NRXN1: variants seen among roughly 807,000 people sequenced by gnomAD.
The protein encoded by NRXN1 is neurexin 1.
In NRXN1, 39 loss-of-function variants were observed where a neutral mutation model predicts 150.9. The observed-to-expected ratio is 0.26, with a 90% confidence interval of 0.20 to 0.34. The LOEUF (loss-of-function observed/expected upper bound fraction) is 0.34. NRXN1 is among the 10% of genes least tolerant of loss of function. The probability of loss-of-function intolerance (pLI) is 1.00; values close to 1 mark genes in which losing one functional copy is unlikely to be tolerated. For missense variants in NRXN1, 1,815 were observed against 1,949.9 expected, an observed-to-expected ratio of 0.93 and a Z score of 1.30; for synonymous variants, 924 against 757.0, an observed-to-expected ratio of 1.22 and a Z score of -3.62.
At chr2:50,828,393 G>A (rs946376250) in intron 5 of NRXN1, among the ~76,000 whole-genome samples, 8 of 151,656 alleles carry the variant, frequency 5.3e-5, no homozygotes, top group South Asian at 2.1e-4. Context: ...CCTCCCAGAC[G>A]GGGTGGCTGC....
intron 5 of NRXN1, among the ~76,000 whole-genome samples, chr2:50,696,541 G>C (rs1294973814): frequency 2.0e-5 from 3 of 152,188 alleles, no homozygotes; most frequent in Admixed American, 1.3e-4. Flanking sequence ...GGGTGAAGCA[G>C]GCGGAGAAAA....
At chr2:50,024,688 C>T (rs754232992) in intron 21 of NRXN1, among the ~76,000 whole-genome samples, 7 of 151,884 alleles carry the variant, frequency 4.6e-5, no homozygotes, top group Non-Finnish European at 8.8e-5. Flanking sequence ...GATCTCGGCT[C>T]GCTGCAACCT....
chr2:50,557,984 G>T (rs1205910147), intron 8 of NRXN1, among the ~76,000 whole-genome samples: 1 of 152,108 alleles, frequency 6.6e-6, no homozygotes, highest in Non-Finnish European at 1.5e-5. Flanking sequence ...ATACACAGCA[G>T]GCTAGCTAAC....
At chr2:50,555,203 C>T (rs931647934) in intron 8 of NRXN1, among the ~76,000 whole-genome samples, 1 of 151,982 alleles carries the variant, frequency 6.6e-6, no homozygotes, top group East Asian at 1.9e-4. Context: ...ATTTTCAGAC[C>T]CAAATGATGC....
chr2:50,257,893 AT>A (rs5831105), intron 17 of NRXN1, among the ~76,000 whole-genome samples: 62,142 of 150,748 alleles, frequency 0.41, 12,933 homozygotes, highest in Middle Eastern at 0.46. Context: ...TATCTGCACA[AT>A]TTTTTTTTTG....
intron 18 of NRXN1, among the ~76,000 whole-genome samples, chr2:50,134,529 A>C (rs187709432): frequency 1.3e-5 from 2 of 152,282 alleles, no homozygotes; most frequent in East Asian, 3.9e-4. Flanking sequence ...TGTTTGATAC[A>C]ATTCAGGTTA....
chr2:50,871,877 AT>A (rs1677831674), intron 5 of NRXN1, among the ~76,000 whole-genome samples: 1 of 151,854 alleles, frequency 6.6e-6, no homozygotes, highest in East Asian at 1.9e-4. Flanking sequence ...AATTTAGAGT[AT>A]TTTAAAGCCC....
At chr2:50,249,247 T>C (rs1170641449) in intron 17 of NRXN1, among the ~76,000 whole-genome samples, 2 of 151,770 alleles carry the variant, frequency 1.3e-5, no homozygotes, top group African/African-American at 4.8e-5. Flanking sequence ...GAAGGACTCA[T>C]ATCTCTTCTA....
Position 50,472,341 on chromosome 2 carries a change from G to A in NRXN1, c.3201C>T (p.Ser1067=), listed in dbSNP as rs75275592. The part of the protein sequence containing the change: ...DLNGRLPDLI[S]DALFCNGQIE... Reference sequence around the variant, plus strand: ...TCTGTCCGTTGCAGAAAAGAGCATCGGAGATGAGGTCCGGAAGCCGTCCAT... The same window carrying A: ...TCTGTCCGTTGCAGAAAAGAGCATCAGAGATGAGGTCCGGAAGCCGTCCAT... The change falls in exon 16 of 23, where the codon TCC becomes TCT. Residue 1067 remains serine (S), a synonymous_variant. Coordinates refer to ENST00000401669, the MANE Select transcript of NRXN1 (RefSeq NM_001330078.2). 1,356 of 1,611,072 alleles carry A rather than the reference G, an allele frequency of 8.4e-4. 1 individual carries two copies. The highest frequency in any genetic ancestry group is 1.0e-3 in the Non-Finnish European group (1,235 of 1,178,410).
intron 5 of NRXN1, among the ~76,000 whole-genome samples, chr2:50,839,873 T>C (rs1329997573): frequency 6.6e-6 from 1 of 152,046 alleles, no homozygotes; most frequent in Non-Finnish European, 1.5e-5. Context: ...GGGAATATGG[T>C]TGTTGCTATT....
chr2:50,690,902 T>C (rs993402067), intron 5 of NRXN1, among the ~76,000 whole-genome samples: 1 of 152,220 alleles, frequency 6.6e-6, no homozygotes, highest in African/African-American at 2.4e-5. Flanking sequence ...CACTGTGCTC[T>C]CAGTATTATC....
chr2:50,707,036 G>C (rs1694538098), intron 5 of NRXN1, among the ~76,000 whole-genome samples: 1 of 151,888 alleles, frequency 6.6e-6, no homozygotes, highest in African/African-American at 2.4e-5. Flanking sequence ...ATTTTTGTTG[G>C]GTATATGCAG....
intron 5 of NRXN1, among the ~76,000 whole-genome samples, chr2:50,906,986 C>T (rs552098969): frequency 6.6e-6 from 1 of 151,984 alleles, no homozygotes; most frequent in Non-Finnish European, 1.5e-5. Flanking sequence ...TCACACCCCT[C>T]TTTCTCCCCA....
rs1302958295 is a variant in NRXN1 at position 50,034,147 on chromosome 2, T to C, written c.4128+19124A>G. 3.3e-5 allele frequency among the ~76,000 whole-genome samples: 5 copies of C among 152,020 alleles called. No homozygotes were observed. The East Asian group carries it at 7.7e-4, about 24-fold the overall frequency. On this transcript the variant is annotated intron_variant, in intron 21 of 22. Transcript: ENST00000401669. ...CCCAGCAATCCCATTACTGAGTATATACCCAAAGGAATATAAATCATTCTA... is the reference window on the plus strand; with the variant it reads ...CCCAGCAATCCCATTACTGAGTATACACCCAAAGGAATATAAATCATTCTA...
intron 3 of NRXN1, among the ~76,000 whole-genome samples, chr2:50,923,194 T>G (rs1036077937): frequency 6.6e-6 from 1 of 151,896 alleles, no homozygotes; most frequent in African/African-American, 2.4e-5. Context: ...GAAATGATAA[T>G]GCAGAAATGT....
intron 12 of NRXN1, among the ~76,000 whole-genome samples, chr2:50,511,064 T>G (rs1009957954): frequency 6.6e-6 from 1 of 152,182 alleles, no homozygotes; most frequent in African/African-American, 2.4e-5. Flanking sequence ...AGCTTTTTTT[T>G]TTTTAATTAT....
intron 17 of NRXN1, among the ~76,000 whole-genome samples, chr2:50,459,288 G>C (rs1448331044): frequency 6.6e-6 from 1 of 152,098 alleles, no homozygotes; most frequent in Non-Finnish European, 1.5e-5. Flanking sequence ...ATATCTTCCT[G>C]ATTAATAAAA....
intron 5 of NRXN1, among the ~76,000 whole-genome samples, chr2:50,871,838 T>C (rs1035701375): frequency 1.3e-5 from 2 of 151,860 alleles, no homozygotes; most frequent in Non-Finnish European, 2.9e-5. Context: ...TCTAAATATA[T>C]TAAACACTCA....
At chr2:50,219,978 A>C (rs1196241409) in intron 18 of NRXN1, among the ~76,000 whole-genome samples, 1 of 46,758 alleles carries the variant, frequency 2.1e-5, no homozygotes, top group Non-Finnish European at 3.5e-5. Context: ...TATATATAAT[A>C]TATATATTAT....
Sources: gnomAD v4.1 joint callset for allele counts (sites outside exome capture counted in the v4.1 genomes callset) on GRCh38, gnomAD v4.1.1 for gene constraint, MANE v1.5 for transcripts, NCBI Gene and HGNC (gene_info 2026-07-23, HGNC 2026-07-21) for gene names.